Variants in CNTN6 observed in about 807,000 individuals in gnomAD.
The protein encoded by CNTN6 is contactin 6.
Under a neutral mutation model 122.8 loss-of-function variants are expected in CNTN6, and 137 were observed. That is an observed-to-expected ratio of 1.12 (90% CI 0.97 to 1.29). The LOEUF is 1.29. Among genes scored for constraint, CNTN6 ranks in the 50% most tolerant of loss-of-function variants. CNTN6 has a pLI of 0.00. For missense variants in CNTN6, 1,634 were observed against 1,223.4 expected (o/e 1.34, Z -5.01); for synonymous variants, 570 against 426.0 (o/e 1.34, Z -4.16).
intron 8 of CNTN6, 43 bp downstream of exon 8, chr3:1,321,877 T>C (rs1700911115): frequency 2.7e-6 from 4 of 1,466,786 alleles, no homozygotes; most frequent in African/African-American, 1.4e-5. Flanking sequence ...TATTTGGTAA[T>C]GCCCTTCATA....
At chr3:1,255,174 C>T (rs1389132561) in intron 4 of CNTN6, among the ~76,000 whole-genome samples, 1 of 152,058 alleles carries the variant, frequency 6.6e-6, no homozygotes, top group African/African-American at 2.4e-5. Context: ...AATATATTGT[C>T]ACTTCTGCTG....
chr3:1,389,455 A>G (rs1050017095), intron 20 of CNTN6, among the ~76,000 whole-genome samples: 23 of 152,118 alleles, frequency 1.5e-4, no homozygotes, highest in African/African-American at 5.6e-4. Context: ...CCGCTGCAAA[A>G]TCATGCCAAA....
intron 20 of CNTN6, among the ~76,000 whole-genome samples, chr3:1,399,480 A>G (rs1019686041): frequency 1.3e-5 from 2 of 152,112 alleles, no homozygotes; most frequent in Non-Finnish European, 2.9e-5. Flanking sequence ...GCCTTTAATT[A>G]TGGGTTTATA....
chr3:1,396,878 G>C (rs570860060), intron 20 of CNTN6, among the ~76,000 whole-genome samples: 19 of 152,268 alleles, frequency 1.2e-4, no homozygotes, highest in African/African-American at 4.6e-4. Context: ...ATGACATCAA[G>C]ATTACCTCTC....
At chr3:1,099,387 C>G (rs541630870) in intron 1 of CNTN6, among the ~76,000 whole-genome samples, 1 of 152,092 alleles carries the variant, frequency 6.6e-6, no homozygotes, top group South Asian at 2.1e-4. Context: ...GGGGGCGGAG[C>G]TTGCAGTGAG....
chr3:1,127,910 C>A (rs2092220905), intron 1 of CNTN6, among the ~76,000 whole-genome samples: 1 of 151,834 alleles, frequency 6.6e-6, no homozygotes, highest in Non-Finnish European at 1.5e-5. Context: ...GGAACAGAAG[C>A]CTATGAGATA....
chr3:1,146,502 A>C (rs2125163951), intron 1 of CNTN6, among the ~76,000 whole-genome samples: 1 of 152,272 alleles, frequency 6.6e-6, no homozygotes, highest in South Asian at 2.1e-4. Flanking sequence ...GCCTCAGCTA[A>C]AAAATGCTAA....
intron 1 of CNTN6, among the ~76,000 whole-genome samples, chr3:1,103,034 A>G (rs3932222): frequency 0.69 from 103,916 of 150,154 alleles, 36,209 homozygotes; most frequent in East Asian, 0.83. Context: ...GGAACCCGGG[A>G]GGCGGAGCTT....
At chr3:1,226,040 GAATT>G in intron 3 of CNTN6, among the ~76,000 whole-genome samples, 1 of 152,182 alleles carries the variant, frequency 6.6e-6, no homozygotes, top group Middle Eastern at 3.4e-3. Context: ...AATGACATTT[GAATT>G]AATTCTGTAT....
intron 1 of CNTN6, among the ~76,000 whole-genome samples, chr3:1,095,215 A>G (rs942561632): frequency 3.3e-5 from 5 of 152,032 alleles, no homozygotes; most frequent in East Asian, 1.9e-4. Context: ...GTTCACACCT[A>G]TAATCCCAGC....
chr3:1,223,914 AG>A (rs1313239553), intron 3 of CNTN6, among the ~76,000 whole-genome samples: 2 of 152,208 alleles, frequency 1.3e-5, no homozygotes, highest in African/African-American at 4.8e-5. Flanking sequence ...CTGTGAGATA[AG>A]CAGAATATAC....
At chr3:1,337,545 A>C (rs532099254) in intron 11 of CNTN6, among the ~76,000 whole-genome samples, 5 of 152,218 alleles carry the variant, frequency 3.3e-5, no homozygotes, top group African/African-American at 1.2e-4. Context: ...AATAAACTTA[A>C]TTTTATTTTG....
intron 12 of CNTN6, among the ~76,000 whole-genome samples, chr3:1,366,074 G>C (rs1708175943): frequency 6.6e-6 from 1 of 152,094 alleles, no homozygotes; most frequent in African/African-American, 2.4e-5. Flanking sequence ...TCAAGGTCTA[G>C]ACACACTGAA....
intron 1 of CNTN6, among the ~76,000 whole-genome samples, chr3:1,144,906 C>T (rs549844317): frequency 6.6e-6 from 1 of 152,050 alleles, no homozygotes; most frequent in African/African-American, 2.4e-5. Flanking sequence ...AGGTAGCTTG[C>T]GAATGGAAAA....
chr3:1,392,094 C>T (rs1364575758), intron 20 of CNTN6, among the ~76,000 whole-genome samples: 1 of 152,184 alleles, frequency 6.6e-6, no homozygotes, highest in African/African-American at 2.4e-5. Context: ...GCCCGCATCG[C>T]CAAGTCAATT....
chr3:1,361,828 C>G (rs1209342567), intron 12 of CNTN6, among the ~76,000 whole-genome samples: 4 of 152,012 alleles, frequency 2.6e-5, no homozygotes, highest in Non-Finnish European at 5.9e-5. Flanking sequence ...GTGCAGAAGC[C>G]TGGAGAAAAC....
chr3:1,204,197 C>T (rs2125443746), intron 2 of CNTN6, among the ~76,000 whole-genome samples: 1 of 152,256 alleles, frequency 6.6e-6, no homozygotes, highest in East Asian at 1.9e-4. Flanking sequence ...GAGACACACT[C>T]TTATCTCAAA....
At chr3:1,100,385 T>G (rs2090821355) in intron 1 of CNTN6, among the ~76,000 whole-genome samples, 1 of 152,156 alleles carries the variant, frequency 6.6e-6, no homozygotes, top group South Asian at 2.1e-4. Context: ...ATGATGTAAT[T>G]ATCACACTTT....
intron 20 of CNTN6, among the ~76,000 whole-genome samples, chr3:1,386,398 C>T (rs191391150): frequency 6.6e-6 from 1 of 152,136 alleles, no homozygotes; most frequent in Non-Finnish European, 1.5e-5. Flanking sequence ...ATGAACTCTT[C>T]TGTTTTGTCT....
Sources: allele counts gnomAD v4.1 joint callset (sites outside exome capture counted in the v4.1 genomes callset), GRCh38; gene constraint gnomAD v4.1.1; transcripts MANE v1.5; gene names NCBI Gene and HGNC (gene_info 2026-07-23, HGNC 2026-07-21).